The following DNAAF10 variants were observed in gnomAD, a reference collection of about 807,000 sequenced individuals.
The protein encoded by DNAAF10 is dynein axonemal assembly factor 10, also known as WD repeat domain 92.
A neutral mutation model predicts 43.7 loss-of-function variants in DNAAF10; 28 were observed. The observed-to-expected ratio is 0.64, with a 90% CI of 0.48 to 0.88. The LOEUF is 0.88. Among genes scored for constraint, DNAAF10 ranks in the 40% least tolerant of loss-of-function variants. The pLI, the probability that DNAAF10 is intolerant of heterozygous loss-of-function variation, is 0.00. For missense variants in DNAAF10, 403 were observed against 439.1 expected, an observed-to-expected ratio of 0.92 and a Z score of 0.73; for synonymous variants, 156 against 157.3, an observed-to-expected ratio of 0.99 and a Z score of 0.06.
intron 7 of DNAAF10, among the ~76,000 whole-genome samples, chr2:68,133,692 C>T (rs1045953811): frequency 1.2e-4 from 18 of 151,996 alleles, no homozygotes; most frequent in African/African-American, 2.7e-4. Context: ...GTGGAGTCTG[C>T]GGTGAGACGA....
chr2:68,142,283 T>C (rs1483089154), intron 3 of DNAAF10, among the ~76,000 whole-genome samples: 4 of 152,210 alleles, frequency 2.6e-5, no homozygotes, highest in African/African-American at 9.6e-5. Context: ...TGTTTTGAGA[T>C]GGAGTCTCAC....
intron 7 of DNAAF10, among the ~76,000 whole-genome samples, chr2:68,133,646 G>A (rs564632511): frequency 1.5e-4 from 23 of 151,956 alleles, no homozygotes; most frequent in Non-Finnish European, 2.6e-4. Flanking sequence ...CTAGTTACTC[G>A]GGAGGCTGAG....
chr2:68,131,435 T>C lies in DNAAF10; in HGVS notation c.877A>G (p.Ile293Val), dbSNP rs762506785. Residue 293 changes from isoleucine (I) to valine (V), a missense_variant, in exon 8 of 8, where the codon ATT (isoleucine) becomes GTT (valine). By Grantham distance (29) the Ile-to-Val change is conservative (BLOSUM62 3). Coordinates refer to ENST00000295121, the MANE Select transcript of DNAAF10 (RefSeq NM_138458.4). The part of the protein sequence containing the change: ...GLHLWKYEYP[I>V]QRSKKDSEGI... ...TCAGAATCTTTCTTTGACCGCTGAA[T>C]AGGGTATTCACTGAAAACAAGATCA... is the stretch of plus-strand genomic sequence containing the variant. The C allele has an allele frequency of 3.7e-6, 6 of 1,614,138 alleles. No individual in the cohort carries two copies. The South Asian group carries it at 5.5e-5, about 15-fold the overall frequency.
rs1409525550 is a variant in DNAAF10, at chr2:68,144,653, G to A, written c.347C>T (p.Ala116Val). 6.2e-6 allele frequency: 10 copies of A among 1,613,778 alleles called. No homozygotes were observed. In the East Asian group the frequency reaches 1.8e-4, roughly 29 times the overall value. Reference protein sequence around the residue: ...SVKGHKEIINAIDGIGGLGIG... With the variant: ...SVKGHKEIINVIDGIGGLGIG... ...TCCTAGTCCACCTATGCCATCTATG[G>A]CATTTATAATTTCTTTATGGCCCTT... The change falls in exon 3 of 8, where the codon GCC becomes GTC. Residue 116 changes from alanine (A) to valine (V), a missense_variant. Ala to Val is a moderately conservative substitution (Grantham distance 64, BLOSUM62 0). Coordinates refer to ENST00000295121, the MANE Select transcript of DNAAF10 (RefSeq NM_138458.4).
chr2:68,137,157 C>G (rs1454040872), intron 6 of DNAAF10, 142 bp downstream of exon 6: 2 of 915,906 alleles, frequency 2.2e-6, no homozygotes, highest in Non-Finnish European at 3.0e-6. Context: ...CACAGAAAAA[C>G]TTGTCAAGAT....
intron 6 of DNAAF10, 147 bp from the exon 7 acceptor site, chr2:68,134,946 G>T: frequency 1.2e-6 from 1 of 836,920 alleles, no homozygotes; most frequent in Non-Finnish European, 1.8e-6. Context: ...CTTTATAATG[G>T]CTATAGAGAT....
intron 1 of DNAAF10, among the ~76,000 whole-genome samples, chr2:68,151,307 TG>T (rs1310523243): frequency 6.6e-6 from 1 of 152,156 alleles, no homozygotes; most frequent in Non-Finnish European, 1.5e-5. Flanking sequence ...CTCTTCCACT[TG>T]GGCCATTTGA....
chr2:68,146,864 TTAAAA>T (rs1180207891), intron 2 of DNAAF10, among the ~76,000 whole-genome samples: 1 of 152,194 alleles, frequency 6.6e-6, no homozygotes, highest in Admixed American at 6.5e-5. Context: ...CTTTAAATGA[TTAAAA>T]TAATAGATTT....
intron 3 of DNAAF10, 48 bp downstream of exon 3, chr2:68,144,536 GA>G: frequency 6.2e-7 from 1 of 1,600,584 alleles, no homozygotes; most frequent in East Asian, 2.2e-5. Context: ...GCTGCATAGA[GA>G]TTTCCATTAA....
intron 1 of DNAAF10, among the ~76,000 whole-genome samples, chr2:68,153,187 G>A (rs1182437977): frequency 1.3e-5 from 2 of 152,062 alleles, no homozygotes; most frequent in Non-Finnish European, 2.9e-5. Flanking sequence ...GCAAAAAACT[G>A]CTCAACTGAA....
chr2:68,146,249 G>A lies in DNAAF10; in HGVS notation c.284+1218C>T, dbSNP rs188215925. Among the ~76,000 whole-genome samples, 105 of 152,254 alleles carry A rather than the reference G, an allele frequency of 6.9e-4. 1 individual carries two copies. Among genetic ancestry groups the A allele is most frequent in the Non-Finnish European group, 1.4e-3 (92 of 68,022 alleles). ...TACACTCCAGCCTAGGCAACAGAGC[G>A]AGACTCCATCTCAAAGACAAAAAAA... On this transcript the variant is annotated intron_variant, in intron 2 of 7. Coordinates refer to ENST00000295121, the MANE Select transcript of DNAAF10 (RefSeq NM_138458.4).
At chr2:68,139,326 T>C (rs972455899) in intron 4 of DNAAF10, among the ~76,000 whole-genome samples, 1 of 152,182 alleles carries the variant, frequency 6.6e-6, no homozygotes, top group African/African-American at 2.4e-5. Flanking sequence ...CCTTCTGCCA[T>C]GAGCAGACAA....
intron 1 of DNAAF10, among the ~76,000 whole-genome samples, chr2:68,150,904 C>T (rs958278081): frequency 1.3e-5 from 2 of 152,176 alleles, no homozygotes; most frequent in African/African-American, 4.8e-5. Context: ...AGAGATAGAA[C>T]TGACTACTCC....
At chr2:68,131,554 T>A in intron 7 of DNAAF10, 109 bp from the exon 8 acceptor site, 1 of 1,003,044 alleles carries the variant, frequency 1.0e-6, no homozygotes, top group Non-Finnish European at 1.5e-6. Context: ...CTGGGACTAA[T>A]AAATACTTAA....
intron 1 of DNAAF10, among the ~76,000 whole-genome samples, chr2:68,154,042 G>T (rs778488664): frequency 6.6e-6 from 1 of 150,864 alleles, no homozygotes; most frequent in Admixed American, 6.6e-5. Flanking sequence ...TGTGAGCACC[G>T]CGCCCAGCCC....
At chr2:68,147,631 T>C in intron 1 of DNAAF10, 64 bp from the exon 2 acceptor site, 2 of 1,176,146 alleles carry the variant, frequency 1.7e-6, no homozygotes, top group South Asian at 1.5e-5. Context: ...AATCTATTAA[T>C]ATCATATTTA....
At chr2:68,153,666 A>T (rs1673510527) in intron 1 of DNAAF10, among the ~76,000 whole-genome samples, 1 of 151,098 alleles carries the variant, frequency 6.6e-6, no homozygotes. Context: ...CACAGTAAGG[A>T]GTGGGAGTTA....
chr2:68,131,191 TA>T lies in DNAAF10; in HGVS notation c.*46del. 2 of 1,600,240 alleles carry T rather than the reference TA, an allele frequency of 1.2e-6. No homozygotes were observed. The highest frequency in any genetic ancestry group is 1.7e-6 in the Non-Finnish European group (2 of 1,168,038). On this transcript the variant is annotated 3_prime_UTR_variant, in exon 8 of 8. Coordinates refer to ENST00000295121, the MANE Select transcript of DNAAF10 (RefSeq NM_138458.4). ...CCTCGGCCTCCCAAAGTGCTGGGAT[TA>T]CAGGAGTGAGCCACCGTGCCCAGCC...
chr2:68,153,275 C>T (rs531347018), intron 1 of DNAAF10, among the ~76,000 whole-genome samples: 2 of 149,280 alleles, frequency 1.3e-5, no homozygotes, highest in East Asian at 3.9e-4. Flanking sequence ...GACTGATATG[C>T]TGATATGCTT....
Sources: gnomAD v4.1 joint callset for allele counts (sites outside exome capture counted in the v4.1 genomes callset) on GRCh38, gnomAD v4.1.1 for gene constraint, MANE v1.5 for transcripts, NCBI Gene and HGNC (gene_info 2026-07-23, HGNC 2026-07-21) for gene names.